Variants in ARHGAP24 observed in about 807,000 individuals in gnomAD.
ARHGAP24 encodes Rho GTPase activating protein 24.
A neutral mutation model predicts 76.4 loss-of-function variants in ARHGAP24; 50 were observed. That is an observed-to-expected ratio of 0.65 (90% CI 0.52 to 0.83). The LOEUF is 0.83. ARHGAP24 is among the 40% of genes least tolerant of loss of function. ARHGAP24 has a pLI of 0.00. For synonymous variants in ARHGAP24, 345 were observed against 323.3 expected (o/e 1.07, Z -0.72); for missense variants, 930 against 914.2 (o/e 1.02, Z -0.22).
chr4:85,564,394 G>A (rs557753711), intron 1 of ARHGAP24, among the ~76,000 whole-genome samples: 5 of 146,876 alleles, frequency 3.4e-5, no homozygotes, highest in African/African-American at 1.4e-4. Flanking sequence ...GGCCTGTTGT[G>A]GGGTGGGGGG....
chr4:85,787,441 G>A (rs972005754), intron 3 of ARHGAP24, among the ~76,000 whole-genome samples: 3 of 152,110 alleles, frequency 2.0e-5, no homozygotes, highest in Non-Finnish European at 2.9e-5. Context: ...ATGTTAGCTC[G>A]TGGTCTACCT....
intron 8 of ARHGAP24, among the ~76,000 whole-genome samples, chr4:85,981,439 C>T (rs1739663788): frequency 6.6e-6 from 1 of 152,052 alleles, no homozygotes; most frequent in Admixed American, 6.6e-5. Flanking sequence ...ATCTTTGATA[C>T]TATAGAAATA....
intron 4 of ARHGAP24, among the ~76,000 whole-genome samples, chr4:85,936,362 G>A (rs1250172441): frequency 1.3e-5 from 2 of 152,064 alleles, no homozygotes; most frequent in Non-Finnish European, 2.9e-5. Flanking sequence ...TGTTTATGGA[G>A]CATCTGTGCG....
chr4:85,598,746 G>T (rs1027946083), intron 2 of ARHGAP24, among the ~76,000 whole-genome samples: 192 of 133,214 alleles, frequency 1.4e-3, no homozygotes, highest in Admixed American at 4.6e-3. Context: ...GTTTTGTTTT[G>T]TTTTTTTTTT....
intron 2 of ARHGAP24, among the ~76,000 whole-genome samples, chr4:85,625,700 G>C (rs1012868437): frequency 1.3e-5 from 2 of 152,164 alleles, no homozygotes; most frequent in Non-Finnish European, 2.9e-5. Flanking sequence ...TATTCTGTGG[G>C]AGTCTAAGTC....
chr4:85,699,995 T>A (rs969070163), intron 2 of ARHGAP24, among the ~76,000 whole-genome samples: 2 of 152,188 alleles, frequency 1.3e-5, no homozygotes, highest in African/African-American at 4.8e-5. Context: ...AAACACTATG[T>A]TACACAAGCT....
chr4:85,930,352 G>A (rs1736259711), intron 4 of ARHGAP24: 1 of 986,390 alleles, frequency 1.0e-6, no homozygotes, highest in Non-Finnish European at 1.2e-6. Context: ...AAGAAGCAGG[G>A]GGGTCCTTTG....
At chr4:85,525,762 A>G (rs1724964592) in intron 1 of ARHGAP24, among the ~76,000 whole-genome samples, 2 of 152,272 alleles carry the variant, frequency 1.3e-5, no homozygotes, top group South Asian at 2.1e-4. Flanking sequence ...CCTAGAAAAG[A>G]GCATCCCAGT....
Position 85,995,172 on chromosome 4 carries a change from T to G in ARHGAP24, c.1518T>G (p.Asn506Lys). 6.2e-7 allele frequency: 1 copy of G among 1,613,920 alleles called. No homozygotes were observed. The highest frequency in any genetic ancestry group is 1.3e-5 in the African/African-American group (1 of 74,966). The change falls in exon 9 of 10, where the codon AAT becomes AAG. Residue 506 changes from asparagine to lysine, a missense_variant. Coordinates refer to ENST00000395184, the MANE Select transcript of ARHGAP24 (RefSeq NM_001025616.3). ...TNVRNMSWLP[N>K]GYVTLRDNKQ... ...TTCGAAACATGAGCTGGCTGCCAAA[T>G]GGCTATGTGACCCTGAGGGATAACA...
intron 3 of ARHGAP24, among the ~76,000 whole-genome samples, chr4:85,801,378 A>C (rs1320814137): frequency 6.6e-6 from 1 of 152,224 alleles, no homozygotes; most frequent in Non-Finnish European, 1.5e-5. Flanking sequence ...AAGCCTGGGA[A>C]AAGTTATCAA....
rs76860925 is a variant in ARHGAP24 at position 85,599,137 on chromosome 4, G to T, written c.180+28416G>T. ...TGAACAACACAAGTCTAAATGGTTT[G>T]CTCTGCCTCCAGCAGTGAGGGAGAG... On this transcript the variant is annotated intron_variant, in intron 2 of 9. Transcript: ENST00000395184. Among the ~76,000 whole-genome samples the T allele has an allele frequency of 8.5e-3, 1,298 of 152,254 alleles. 19 individuals carry two copies. Among genetic ancestry groups the T allele is most frequent in the African/African-American group, 0.029 (1,211 of 41,544 alleles).
chr4:85,710,764 C>A (rs1447799055), intron 2 of ARHGAP24, among the ~76,000 whole-genome samples: 1 of 152,054 alleles, frequency 6.6e-6, no homozygotes, highest in African/African-American at 2.4e-5. Flanking sequence ...AATGGGACAC[C>A]GTCTCATACC....
intron 3 of ARHGAP24, among the ~76,000 whole-genome samples, chr4:85,771,024 G>T: frequency 6.6e-6 from 1 of 152,128 alleles, no homozygotes; most frequent in East Asian, 1.9e-4. Context: ...ATAGCTTGGG[G>T]GTCCCCATCT....
intron 3 of ARHGAP24, among the ~76,000 whole-genome samples, chr4:85,855,905 CAATTTTAATTGATTTTTAAT>C (rs1191978988): frequency 5.9e-5 from 9 of 152,008 alleles, no homozygotes; most frequent in Admixed American, 2.6e-4. Context: ...CATATAAAAT[CAATTTTAATTGATTTTTAAT>C]AATTTTAATT....
intron 3 of ARHGAP24, among the ~76,000 whole-genome samples, chr4:85,773,738 A>G (rs1311520313): frequency 6.6e-6 from 1 of 152,204 alleles, no homozygotes; most frequent in African/African-American, 2.4e-5. Context: ...TTCAAGGAAG[A>G]AGAAAAGAAT....
intron 3 of ARHGAP24, among the ~76,000 whole-genome samples, chr4:85,875,840 C>A (rs1732899405): frequency 6.6e-6 from 1 of 150,754 alleles, no homozygotes; most frequent in Non-Finnish European, 1.5e-5. Context: ...ATCCCGGGTT[C>A]AAGCAATTTT....
intron 3 of ARHGAP24, among the ~76,000 whole-genome samples, chr4:85,835,346 T>A (rs888710560): frequency 6.6e-6 from 1 of 150,534 alleles, no homozygotes; most frequent in Non-Finnish European, 1.5e-5. Context: ...GATCACGAGG[T>A]CAGGAGATTG....
intron 9 of ARHGAP24, 116 bp downstream of exon 9, chr4:85,995,773 T>C: frequency 9.8e-7 from 1 of 1,017,996 alleles, no homozygotes; most frequent in Non-Finnish European, 1.5e-6. Context: ...AACACAAGTT[T>C]GCTCCATCAT....
At chr4:85,860,842 T>A (rs966823492) in intron 3 of ARHGAP24, among the ~76,000 whole-genome samples, 2 of 152,066 alleles carry the variant, frequency 1.3e-5, no homozygotes, top group Admixed American at 1.3e-4. Context: ...TATTATTAAA[T>A]CTTTTCTTAC....
Sources: gnomAD v4.1 joint callset for allele counts (sites outside exome capture counted in the v4.1 genomes callset) on GRCh38, gnomAD v4.1.1 for gene constraint, MANE v1.5 for transcripts, NCBI Gene and HGNC (gene_info 2026-07-23, HGNC 2026-07-21) for gene names.